EMCN: variants seen among roughly 807,000 people sequenced by gnomAD.
The protein encoded by EMCN is MUC-14.
Under a neutral mutation model 38.4 loss-of-function variants are expected in EMCN, and 37 were observed. The ratio of observed to expected loss-of-function variants is 0.96; its 90% CI spans 0.74 to 1.27. The LOEUF is 1.27. Ranked by LOEUF, EMCN falls within the 50% of genes most tolerant of loss-of-function variation. The pLI, the probability that EMCN is intolerant of heterozygous loss-of-function variation, is 0.00. For missense variants in EMCN, 318 were observed against 302.8 expected (o/e 1.05, Z -0.37); for synonymous variants, 95 against 100.8 (o/e 0.94, Z 0.35).
rs545351992 is a variant in EMCN at position 100,397,670 on chromosome 4, C to A, written c.*743G>T. On this transcript the variant is annotated 3_prime_UTR_variant, in exon 12 of 12. Coordinates refer to ENST00000296420, the MANE Select transcript of EMCN (RefSeq NM_016242.4). ...ACCAAAGAACTGATAAATTACTCTC[C>A]CCCTAACAGTCTGATATGTGAATCG... 6.6e-6 allele frequency: 1 copy of A among 152,124 alleles called. No homozygotes were observed. The highest frequency in any genetic ancestry group is 2.4e-5 in the African/African-American group (1 of 41,510). 9.4% of individuals were successfully genotyped at this position (152,124 alleles called of 1,614,324 possible). A position where few individuals can be genotyped will look rare whatever the true frequency, so the allele number is the denominator to read the frequency against.
At chr4:100,445,714 T>A (rs1727650537) in intron 5 of EMCN, among the ~76,000 whole-genome samples, 1 of 152,190 alleles carries the variant, frequency 6.6e-6, no homozygotes, top group South Asian at 2.1e-4. Context: ...AAGTCTTTAA[T>A]CTGAAAAAAA....
chr4:100,486,063 C>T (rs1728933082), intron 1 of EMCN, among the ~76,000 whole-genome samples: 1 of 152,090 alleles, frequency 6.6e-6, no homozygotes, highest in African/African-American at 2.4e-5. Flanking sequence ...GCTATAAATA[C>T]ATGTGAAACA....
Position 100,410,353 on chromosome 4 carries a change from C to G in EMCN, c.754G>C (p.Glu252Gln), listed in dbSNP as rs748218444. ...TVKTISHESG[E>Q]HSAQGKTKN is the part of the protein sequence containing the mutation. ...TTGGTTTTTCCTTGTGCAGAGTGCTCACCTGAGAACAGAAGATATGTTTTG... is the reference window on the plus strand; with the variant it reads ...TTGGTTTTTCCTTGTGCAGAGTGCTGACCTGAGAACAGAAGATATGTTTTG... The change falls in exon 11 of 12, where the codon GAG becomes CAG. Residue 252 changes from glutamate to glutamine, a missense_variant and splice_region_variant. Glu to Gln is a conservative substitution (Grantham distance 29). Coordinates refer to ENST00000296420, the MANE Select transcript of EMCN (RefSeq NM_016242.4). 1 of 1,613,638 alleles carries G rather than the reference C, an allele frequency of 6.2e-7. No individual in the cohort carries two copies. Among genetic ancestry groups the G allele is most frequent in the South Asian group, 1.1e-5 (1 of 91,060 alleles).
intron 3 of EMCN, among the ~76,000 whole-genome samples, chr4:100,466,772 A>T (rs141279800): frequency 2.6e-5 from 4 of 152,346 alleles, no homozygotes; most frequent in African/African-American, 9.6e-5. Flanking sequence ...CAGAAACTCA[A>T]CATTTGAGGA....
intron 1 of EMCN, among the ~76,000 whole-genome samples, chr4:100,497,383 G>T (rs957422466): frequency 6.8e-5 from 10 of 145,986 alleles, no homozygotes; most frequent in Admixed American, 4.1e-4. Context: ...TTGTTTGTTT[G>T]TTTTTTTTTT....
chr4:100,492,743 T>A lies in EMCN; in HGVS notation c.65-12704A>T, dbSNP rs575606232. Among the ~76,000 whole-genome samples, 21 of 152,256 alleles carry A rather than the reference T, an allele frequency of 1.4e-4. 3 individuals are homozygous for A. In the South Asian group the frequency reaches 4.4e-3, roughly 32 times the overall value. ...AGAATATTATTCTTTAATATATATATCCAATGTCCTTTGCGAATGGAAGAG... is the reference window on the plus strand; with the variant it reads ...AGAATATTATTCTTTAATATATATAACCAATGTCCTTTGCGAATGGAAGAG... On this transcript the variant is annotated intron_variant, in intron 1 of 11. Coordinates refer to ENST00000296420, the MANE Select transcript of EMCN (RefSeq NM_016242.4).
Position 100,478,546 on chromosome 4 carries a change from G to C in EMCN, c.187+1371C>G, listed in dbSNP as rs184679024. On this transcript the variant is annotated intron_variant, in intron 2 of 11. Coordinates refer to ENST00000296420, the MANE Select transcript of EMCN (RefSeq NM_016242.4). ...ACCTTGACAACCAAATTAAGAGAGA[G>C]AGTGAAACAGAAAGAAGGCAGGAAG... 1.7e-4 allele frequency among the ~76,000 whole-genome samples: 26 copies of C among 152,188 alleles called. No individual in the cohort carries two copies. The East Asian group carries it at 4.4e-3, about 26-fold the overall frequency.
At chr4:100,468,028 T>C (rs1728371807) in intron 3 of EMCN, among the ~76,000 whole-genome samples, 1 of 152,244 alleles carries the variant, frequency 6.6e-6, no homozygotes, top group Non-Finnish European at 1.5e-5. Flanking sequence ...TTTACATTTA[T>C]GACTTGTGTT....
chr4:100,503,475 A>G (rs1451503731), intron 1 of EMCN, among the ~76,000 whole-genome samples: 2 of 152,158 alleles, frequency 1.3e-5, no homozygotes, highest in Non-Finnish European at 2.9e-5. Context: ...GTATCAGCAG[A>G]GGATTACCAA....
intron 5 of EMCN, among the ~76,000 whole-genome samples, chr4:100,442,300 C>T (rs757344336): frequency 6.6e-6 from 1 of 152,102 alleles, no homozygotes; most frequent in Non-Finnish European, 1.5e-5. Flanking sequence ...TGATGCTTTT[C>T]TCTTGTTGCT....
At chr4:100,415,853 C>A (rs1439767507) in intron 10 of EMCN, 45 bp downstream of exon 10, 2 of 1,331,914 alleles carry the variant, frequency 1.5e-6, no homozygotes, top group Non-Finnish European at 2.1e-6. Flanking sequence ...TAGTTAGATT[C>A]TAAAATAACT....
chr4:100,447,457 A>G (rs1040210290), intron 5 of EMCN, 76 bp downstream of exon 5: 5 of 996,496 alleles, frequency 5.0e-6, no homozygotes, highest in Non-Finnish European at 7.8e-6. Context: ...CCCCAAACTG[A>G]TTGGTGTAAT....
intron 3 of EMCN, among the ~76,000 whole-genome samples, chr4:100,466,175 A>G (rs1326806664): frequency 6.6e-6 from 1 of 152,094 alleles, no homozygotes; most frequent in Non-Finnish European, 1.5e-5. Context: ...AACAACTTAT[A>G]TTTGCCCATA....
At chr4:100,512,865 T>C (rs760478284) in intron 1 of EMCN, among the ~76,000 whole-genome samples, 2 of 151,288 alleles carry the variant, frequency 1.3e-5, no homozygotes, top group Non-Finnish European at 2.9e-5. Flanking sequence ...GTGCATCTCA[T>C]GTTGTTCTTA....
intron 5 of EMCN, among the ~76,000 whole-genome samples, chr4:100,445,065 T>C (rs1419483882): frequency 6.6e-6 from 1 of 152,174 alleles, no homozygotes; most frequent in Non-Finnish European, 1.5e-5. Flanking sequence ...GGCAAGGTGT[T>C]TCCTCCTGTT....
chr4:100,467,252 G>T (rs1327440357), intron 3 of EMCN, among the ~76,000 whole-genome samples: 1 of 152,058 alleles, frequency 6.6e-6, no homozygotes, highest in Non-Finnish European at 1.5e-5. Context: ...AATATTCATG[G>T]TAAACTCAAA....
intron 5 of EMCN, among the ~76,000 whole-genome samples, chr4:100,444,489 T>C (rs778545692): frequency 6.6e-5 from 10 of 151,994 alleles, no homozygotes; most frequent in Non-Finnish European, 1.5e-4. Flanking sequence ...ATCTATGGCA[T>C]TGAGGGGCAT....
chr4:100,490,179 A>G (rs1003904660), intron 1 of EMCN, among the ~76,000 whole-genome samples: 19 of 151,584 alleles, frequency 1.3e-4, no homozygotes, highest in African/African-American at 4.6e-4. Context: ...AAAAGTAAAA[A>G]AAAAAAAAAA....
At chr4:100,404,371 T>A (rs1430015224) in intron 11 of EMCN, among the ~76,000 whole-genome samples, 1 of 152,168 alleles carries the variant, frequency 6.6e-6, no homozygotes, top group Non-Finnish European at 1.5e-5. Context: ...TATACGTGTG[T>A]GGCATTATTT....
Sources: allele counts gnomAD v4.1 joint callset (sites outside exome capture counted in the v4.1 genomes callset), GRCh38; gene constraint gnomAD v4.1.1; transcripts MANE v1.5; gene names NCBI Gene and HGNC (gene_info 2026-07-23, HGNC 2026-07-21).